Variants in CACNA2D3 observed in about 807,000 individuals in gnomAD.
CACNA2D3 encodes voltage-dependent calcium channel subunit alpha-2/delta-3.
In CACNA2D3, 60 loss-of-function variants were observed where a neutral mutation model predicts 160.6. That is an observed-to-expected ratio of 0.37 (90% confidence interval 0.30 to 0.46). The LOEUF is 0.46. CACNA2D3 is among the 20% of genes least tolerant of loss of function. The pLI, the probability that CACNA2D3 is intolerant of heterozygous loss-of-function variation, is 1.00. For synonymous variants in CACNA2D3, 558 were observed against 492.9 expected, an observed-to-expected ratio of 1.13 and a Z score of -1.75; for missense variants, 1,205 against 1,365.0, an observed-to-expected ratio of 0.88 and a Z score of 1.85.
At chr3:54,957,579 A>C (rs1370745254) in intron 27 of CACNA2D3, among the ~76,000 whole-genome samples, 1 of 152,214 alleles carries the variant, frequency 6.6e-6, no homozygotes, top group African/African-American at 2.4e-5. Context: ...CTAAAATGAC[A>C]GAGCCTTGAG....
intron 4 of CACNA2D3, among the ~76,000 whole-genome samples, chr3:54,440,284 G>T (rs1200975670): frequency 6.6e-6 from 1 of 152,162 alleles, no homozygotes; most frequent in Non-Finnish European, 1.5e-5. Context: ...GATATAAGCA[G>T]TAGTAGTTGT....
In CACNA2D3 at chr3:55,026,611, C is replaced by T. The variant is rs573548942; in HGVS notation, c.2987+8294C>T. 3.3e-5 allele frequency among the ~76,000 whole-genome samples: 5 copies of T among 152,242 alleles called. No individual in the cohort carries two copies. The East Asian group carries it at 9.7e-4, about 29-fold the overall frequency. The stretch of plus-strand genomic sequence containing the variant: ...CAGGGTGAGAAGTTGGGTATGCACA[C>T]CCGGGCAGAGAGAAGAGCATTGTGG... On this transcript the variant is annotated intron_variant, in intron 35 of 37. Coordinates refer to ENST00000474759, the MANE Select transcript of CACNA2D3 (RefSeq NM_018398.3).
At chr3:54,956,480 C>T (rs1170809888) in intron 27 of CACNA2D3, among the ~76,000 whole-genome samples, 1 of 152,228 alleles carries the variant, frequency 6.6e-6, no homozygotes, top group Non-Finnish European at 1.5e-5. Context: ...TCCTAACTTG[C>T]ATGGGCCACA....
intron 13 of CACNA2D3, among the ~76,000 whole-genome samples, chr3:54,781,768 C>A (rs1360490396): frequency 1.3e-5 from 2 of 152,206 alleles, no homozygotes; most frequent in African/African-American, 4.8e-5. Context: ...TGCACAAAAG[C>A]CAACTGTTTT....
intron 2 of CACNA2D3, among the ~76,000 whole-genome samples, chr3:54,195,605 G>A (rs1294357095): frequency 6.6e-6 from 1 of 152,226 alleles, no homozygotes; most frequent in African/African-American, 2.4e-5. Context: ...GGTTGAGTAA[G>A]GTGCCCAAGG....
chr3:54,841,913 T>G (rs985519332), intron 16 of CACNA2D3, among the ~76,000 whole-genome samples: 1 of 152,220 alleles, frequency 6.6e-6, no homozygotes, highest in African/African-American at 2.4e-5. Context: ...AGGGCCCCTT[T>G]GGCAAGCCCA....
chr3:54,933,368 G>C (rs141702329), intron 27 of CACNA2D3, among the ~76,000 whole-genome samples: 1 of 152,268 alleles, frequency 6.6e-6, no homozygotes, highest in African/African-American at 2.4e-5. Flanking sequence ...ACAGGGGCCT[G>C]GGCTCCATGG....
At chr3:54,191,593 T>C (rs890926630) in intron 2 of CACNA2D3, among the ~76,000 whole-genome samples, 1 of 152,118 alleles carries the variant, frequency 6.6e-6, no homozygotes, top group Non-Finnish European at 1.5e-5. Context: ...AAATCGGTGA[T>C]ACAGTCTCTT....
chr3:54,459,494 G>C (rs1350838691), intron 4 of CACNA2D3, among the ~76,000 whole-genome samples: 3 of 151,562 alleles, frequency 2.0e-5, no homozygotes, highest in Non-Finnish European at 4.4e-5. Flanking sequence ...TCTCATTGTG[G>C]TTTTGATTTG....
chr3:54,510,315 C>T (rs1196379084), intron 5 of CACNA2D3, among the ~76,000 whole-genome samples: 1 of 152,036 alleles, frequency 6.6e-6, no homozygotes, highest in Non-Finnish European at 1.5e-5. Flanking sequence ...CAGCCATGCT[C>T]TGTAGTGAGG....
intron 27 of CACNA2D3, among the ~76,000 whole-genome samples, chr3:54,908,233 T>G (rs1019897088): frequency 5.9e-5 from 9 of 152,366 alleles, no homozygotes; most frequent in African/African-American, 1.9e-4. Flanking sequence ...CTTTTTTATT[T>G]TAGCCATCCT....
At chr3:54,131,210 C>T (rs1699699497) in intron 2 of CACNA2D3, among the ~76,000 whole-genome samples, 1 of 152,206 alleles carries the variant, frequency 6.6e-6, no homozygotes. Flanking sequence ...GAGTGCCAGG[C>T]ATTGGCATGT....
intron 12 of CACNA2D3, among the ~76,000 whole-genome samples, chr3:54,759,960 A>G (rs921240938): frequency 2.0e-5 from 3 of 152,246 alleles, no homozygotes; most frequent in African/African-American, 4.8e-5. Context: ...GCTTTGGGCC[A>G]TTGTGAGGCC....
At chr3:54,233,639 G>A (rs1300896174) in intron 2 of CACNA2D3, among the ~76,000 whole-genome samples, 1 of 152,132 alleles carries the variant, frequency 6.6e-6, no homozygotes, top group Non-Finnish European at 1.5e-5. Context: ...CATTCTTTGG[G>A]ACAGAATTCT....
At chr3:54,640,211 AAG>A (rs1190285307) in intron 10 of CACNA2D3, among the ~76,000 whole-genome samples, 2 of 152,042 alleles carry the variant, frequency 1.3e-5, no homozygotes, top group Non-Finnish European at 2.9e-5. Context: ...GACATTCCCA[AAG>A]AGAATACGAA....
In CACNA2D3 at chr3:54,651,738, G is replaced by A. The variant is rs75753339; in HGVS notation, c.1167+9497G>A. On this transcript the variant is annotated intron_variant, in intron 11 of 37. Transcript: ENST00000474759. Reference sequence around the variant, plus strand: ...GAGGATAAAGCCTCAAGCCAGCCTTGCCCCAGTGGCCTCCGGGGTGCTGAA... The same window carrying A: ...GAGGATAAAGCCTCAAGCCAGCCTTACCCCAGTGGCCTCCGGGGTGCTGAA... Among the ~76,000 whole-genome samples the A allele has an allele frequency of 4.6e-3, 705 of 152,218 alleles. 7 individuals carry two copies. The highest frequency in any genetic ancestry group is 0.016 in the African/African-American group (677 of 41,538).
At chr3:54,251,162 C>T (rs966657603) in intron 2 of CACNA2D3, among the ~76,000 whole-genome samples, 1 of 152,070 alleles carries the variant, frequency 6.6e-6, no homozygotes, top group African/African-American at 2.4e-5. Flanking sequence ...GGTTTGGTGC[C>T]TGCATGACAC....
At chr3:54,824,270 T>A (rs1703702181) in intron 14 of CACNA2D3, among the ~76,000 whole-genome samples, 1 of 152,186 alleles carries the variant, frequency 6.6e-6, no homozygotes. Context: ...AGAGCGACAT[T>A]GATCTGAGCA....
At chr3:54,805,450 A>G (rs1703097064) in intron 13 of CACNA2D3, among the ~76,000 whole-genome samples, 2 of 152,234 alleles carry the variant, frequency 1.3e-5, no homozygotes, top group South Asian at 2.1e-4. Flanking sequence ...TAGAAAATCT[A>G]GAAGAAATGG....
Sources: gnomAD v4.1 joint callset for allele counts (sites outside exome capture counted in the v4.1 genomes callset) on GRCh38, gnomAD v4.1.1 for gene constraint, MANE v1.5 for transcripts, NCBI Gene and HGNC (gene_info 2026-07-23, HGNC 2026-07-21) for gene names.